Variants in KCNH7 observed in about 807,000 individuals in gnomAD.
KCNH7 encodes the protein potassium voltage-gated channel subfamily H member 7.
Under a neutral mutation model 120.8 loss-of-function variants are expected in KCNH7, and 49 were observed. The ratio of observed to expected loss-of-function variants is 0.41; its 90% confidence interval spans 0.32 to 0.51. KCNH7 has a LOEUF of 0.51. Among genes scored for constraint, KCNH7 ranks in the 20% least tolerant of loss-of-function variants. The pLI is 0.38. For synonymous variants in KCNH7, 547 were observed against 516.1 expected, an observed-to-expected ratio of 1.06 and a Z score of -0.81; for missense variants, 1,097 against 1,446.6, an observed-to-expected ratio of 0.76 and a Z score of 3.92.
At chr2:162,540,112 A>T (rs960187386) in intron 2 of KCNH7, among the ~76,000 whole-genome samples, 1 of 152,206 alleles carries the variant, frequency 6.6e-6, no homozygotes, top group African/African-American at 2.4e-5. Context: ...TAGACATCTA[A>T]TAATGTGGAA....
intron 3 of KCNH7, among the ~76,000 whole-genome samples, chr2:162,528,844 G>A (rs984181335): frequency 6.6e-6 from 1 of 151,964 alleles, no homozygotes; most frequent in Admixed American, 6.6e-5. Context: ...GACAATTATA[G>A]TGGGCTATAT....
At chr2:162,650,516 A>G (rs1487000721) in intron 2 of KCNH7, among the ~76,000 whole-genome samples, 1 of 152,186 alleles carries the variant, frequency 6.6e-6, no homozygotes, top group African/African-American at 2.4e-5. Context: ...GCTACCATGA[A>G]GGGAAATTTT....
At chr2:162,614,289 G>A (rs1324923439) in intron 2 of KCNH7, among the ~76,000 whole-genome samples, 1 of 151,930 alleles carries the variant, frequency 6.6e-6, no homozygotes, top group African/African-American at 2.4e-5. Context: ...GCTTACTCTT[G>A]GTGGTTGTAC....
intron 2 of KCNH7, among the ~76,000 whole-genome samples, chr2:162,595,326 C>G (rs1694343299): frequency 6.6e-6 from 1 of 151,776 alleles, no homozygotes; most frequent in Non-Finnish European, 1.5e-5. Context: ...TAAACTGCCC[C>G]CATAATACAA....
intron 6 of KCNH7, among the ~76,000 whole-genome samples, chr2:162,503,224 T>A (rs2105749860): frequency 6.6e-6 from 1 of 152,074 alleles, no homozygotes; most frequent in Non-Finnish European, 1.5e-5. Flanking sequence ...TCCTCTTAAG[T>A]CTCTTGATTC....
At chr2:162,730,661 A>G (rs1249542914) in intron 2 of KCNH7, among the ~76,000 whole-genome samples, 1 of 152,088 alleles carries the variant, frequency 6.6e-6, no homozygotes, top group Non-Finnish European at 1.5e-5. Flanking sequence ...GGCAGTTTTT[A>G]CCAATCTTAC....
At chr2:162,762,781 A>G (rs1184469398) in intron 2 of KCNH7, among the ~76,000 whole-genome samples, 1 of 152,106 alleles carries the variant, frequency 6.6e-6, no homozygotes, top group Non-Finnish European at 1.5e-5. Context: ...TAAAATTGTC[A>G]TGAGACATAA....
intron 2 of KCNH7, among the ~76,000 whole-genome samples, chr2:162,832,946 G>C (rs1395705686): frequency 6.6e-6 from 1 of 152,032 alleles, no homozygotes; most frequent in Non-Finnish European, 1.5e-5. Flanking sequence ...TTCTTTAAAA[G>C]CAGCATGAAG....
intron 12 of KCNH7, among the ~76,000 whole-genome samples, chr2:162,389,869 C>T (rs1686691864): frequency 6.6e-6 from 1 of 152,128 alleles, no homozygotes; most frequent in East Asian, 1.9e-4. Context: ...AGTATGCAGA[C>T]ACTAACTACA....
At chr2:162,434,817 A>T (rs1283341910) in intron 8 of KCNH7, among the ~76,000 whole-genome samples, 1 of 151,964 alleles carries the variant, frequency 6.6e-6, no homozygotes, top group Non-Finnish European at 1.5e-5. Flanking sequence ...TACATTTTTT[A>T]TATCTATCTA....
At chr2:162,832,888 C>T (rs4667468) in intron 2 of KCNH7, among the ~76,000 whole-genome samples, 80,396 of 151,846 alleles carry the variant, frequency 0.53, 22,216 homozygotes, top group South Asian at 0.73. Context: ...CTACTGATAT[C>T]TGACTGGATT....
intron 2 of KCNH7, among the ~76,000 whole-genome samples, chr2:162,607,665 T>C (rs936412084): frequency 2.6e-5 from 4 of 152,138 alleles, no homozygotes; most frequent in African/African-American, 4.8e-5. Flanking sequence ...CAAGTAATCA[T>C]TAAAGCTATG....
At chr2:162,434,000 C>G (rs148355508) in intron 8 of KCNH7, among the ~76,000 whole-genome samples, 1 of 151,608 alleles carries the variant, frequency 6.6e-6, no homozygotes, top group East Asian at 1.9e-4. Context: ...AGCAGTAAAC[C>G]GGATAAATAA....
chr2:162,387,351 T>C (rs1387944643), intron 12 of KCNH7, among the ~76,000 whole-genome samples: 1 of 151,374 alleles, frequency 6.6e-6, no homozygotes, highest in African/African-American at 2.4e-5. Context: ...TGATGTAATA[T>C]GTACATGAAA....
At chr2:162,616,491 CTT>C (rs1329040915) in intron 2 of KCNH7, among the ~76,000 whole-genome samples, 7 of 152,180 alleles carry the variant, frequency 4.6e-5, no homozygotes, top group African/African-American at 1.4e-4. Flanking sequence ...CCAAGTATCA[CTT>C]TTAACTTTCT....
At chr2:162,448,676 T>A (rs1370631614) in intron 6 of KCNH7, among the ~76,000 whole-genome samples, 2 of 152,184 alleles carry the variant, frequency 1.3e-5, no homozygotes, top group African/African-American at 4.8e-5. Context: ...GAAGTATGAA[T>A]TAGAATGCAA....
At chr2:162,556,933 A>G (rs1488524675) in intron 2 of KCNH7, among the ~76,000 whole-genome samples, 1 of 152,232 alleles carries the variant, frequency 6.6e-6, no homozygotes, top group Non-Finnish European at 1.5e-5. Flanking sequence ...CACAGGAAGG[A>G]ATGAAAGACA....
At chr2:162,817,605 T>C (rs1420625170) in intron 2 of KCNH7, among the ~76,000 whole-genome samples, 3 of 152,146 alleles carry the variant, frequency 2.0e-5, no homozygotes. Flanking sequence ...CTGGGCCATA[T>C]AGATGTATAT....
chr2:162,710,870 C>A (rs184954164), intron 2 of KCNH7, among the ~76,000 whole-genome samples: 149 of 152,170 alleles, frequency 9.8e-4, no homozygotes, highest in Middle Eastern at 3.4e-3. Flanking sequence ...TAAAAGTTGA[C>A]TCAAATTCTT....
Sources: gnomAD v4.1 joint callset for allele counts (sites outside exome capture counted in the v4.1 genomes callset) on GRCh38, gnomAD v4.1.1 for gene constraint, MANE v1.5 for transcripts, NCBI Gene and HGNC (gene_info 2026-07-23, HGNC 2026-07-21) for gene names.